Variants in CNTN5 observed in about 807,000 individuals in gnomAD.
The protein encoded by CNTN5 is contactin-5.
Under a neutral mutation model 129.1 loss-of-function variants are expected in CNTN5, and 77 were observed. That is an observed-to-expected ratio of 0.60 (90% CI 0.50 to 0.72). The LOEUF (loss-of-function observed/expected upper bound fraction) is 0.72, where lower values mean the gene tolerates loss of function less well. Among genes scored for constraint, CNTN5 ranks in the 30% least tolerant of loss-of-function variants. The probability of loss-of-function intolerance (pLI) is 0.00; values close to 1 mark genes in which losing one functional copy is unlikely to be tolerated. For synonymous variants in CNTN5, 509 were observed against 465.6 expected (o/e 1.09, Z -1.20); for missense variants, 1,478 against 1,328.8 (o/e 1.11, Z -1.75).
intron 9 of CNTN5, among the ~76,000 whole-genome samples, chr11:100,028,106 G>A (rs1461750359): frequency 6.6e-6 from 1 of 151,994 alleles, no homozygotes; most frequent in Admixed American, 6.6e-5. Flanking sequence ...AGGTAATAGA[G>A]TGATTCTTTG....
intron 7 of CNTN5, among the ~76,000 whole-genome samples, chr11:99,943,412 C>T (rs1950486296): frequency 6.6e-6 from 1 of 151,824 alleles, no homozygotes; most frequent in African/African-American, 2.4e-5. Context: ...TGTTTAAGTT[C>T]CTTGTAGATT....
At chr11:99,712,884 T>C (rs1955053218) in intron 3 of CNTN5, among the ~76,000 whole-genome samples, 1 of 152,102 alleles carries the variant, frequency 6.6e-6, no homozygotes, top group Non-Finnish European at 1.5e-5. Flanking sequence ...TACTGTAGCC[T>C]TGTAGTATAG....
chr11:99,485,105 T>C (rs554762603), intron 2 of CNTN5, among the ~76,000 whole-genome samples: 1 of 152,232 alleles, frequency 6.6e-6, no homozygotes, highest in African/African-American at 2.4e-5. Flanking sequence ...AAATATTTGA[T>C]GGATATGCTA....
chr11:99,624,100 TCTC>T (rs1185008292), intron 3 of CNTN5, among the ~76,000 whole-genome samples: 1 of 152,120 alleles, frequency 6.6e-6, no homozygotes, highest in Non-Finnish European at 1.5e-5. Context: ...TATCAGCATG[TCTC>T]CTCATAGGCT....
chr11:99,626,304 G>A (rs1422362234), intron 3 of CNTN5, among the ~76,000 whole-genome samples: 3 of 151,926 alleles, frequency 2.0e-5, no homozygotes, highest in Admixed American at 6.6e-5. Flanking sequence ...CTCCGACTTG[G>A]TAAAGAGGTT....
intron 3 of CNTN5, among the ~76,000 whole-genome samples, chr11:99,793,514 G>C (rs527778726): frequency 1.3e-5 from 2 of 152,038 alleles, no homozygotes; most frequent in Admixed American, 1.3e-4. Flanking sequence ...AGTTCCTCTA[G>C]TTGATAATTT....
intron 9 of CNTN5, among the ~76,000 whole-genome samples, chr11:100,058,278 G>C (rs1320816862): frequency 6.6e-6 from 1 of 152,048 alleles, no homozygotes; most frequent in African/African-American, 2.4e-5. Flanking sequence ...AACTTTGTGA[G>C]AATCCTATCA....
intron 1 of CNTN5, among the ~76,000 whole-genome samples, chr11:99,236,610 A>G (rs1038986853): frequency 3.3e-5 from 5 of 152,142 alleles, no homozygotes; most frequent in African/African-American, 7.2e-5. Context: ...TCATTGGTAA[A>G]ATGCAGATAG....
At chr11:99,669,201 A>T (rs946970635) in intron 3 of CNTN5, among the ~76,000 whole-genome samples, 1 of 152,128 alleles carries the variant, frequency 6.6e-6, no homozygotes, top group Admixed American at 6.6e-5. Flanking sequence ...AGACATATGG[A>T]GGTTTTTACT....
At chr11:99,148,950 T>C (rs1302866786) in intron 1 of CNTN5, among the ~76,000 whole-genome samples, 2 of 151,990 alleles carry the variant, frequency 1.3e-5, no homozygotes, top group South Asian at 2.1e-4. Context: ...TAAAGAACAG[T>C]AAAATCATTT....
intron 7 of CNTN5, among the ~76,000 whole-genome samples, chr11:99,941,604 A>C (rs1287662439): frequency 6.6e-6 from 1 of 152,098 alleles, no homozygotes; most frequent in East Asian, 1.9e-4. Flanking sequence ...AGAGAGATAG[A>C]TAGAGATTGA....
intron 8 of CNTN5, among the ~76,000 whole-genome samples, chr11:99,993,235 T>C (rs935117798): frequency 6.6e-6 from 1 of 152,186 alleles, no homozygotes; most frequent in Non-Finnish European, 1.5e-5. Context: ...TACTCTGTGA[T>C]TGAAGTTTCT....
intron 3 of CNTN5, among the ~76,000 whole-genome samples, chr11:99,565,414 A>C (rs2135561165): frequency 6.6e-6 from 1 of 152,326 alleles, no homozygotes; most frequent in Admixed American, 6.5e-5. Flanking sequence ...CTTTTCATGT[A>C]TTCTTCTGAG....
chr11:99,819,545 G>A lies in CNTN5; in HGVS notation c.57G>A (p.Glu19=), dbSNP rs768027790. ...LFLSVTMCLS[E]YSKSLPGLST... is the part of the protein sequence containing the mutation. ...TTTATTATATTTTTTCTCTTACAGAGTATTCAAAATCTCTTCCTGGTCTCT... is the reference window on the plus strand; with the variant it reads ...TTTATTATATTTTTTCTCTTACAGAATATTCAAAATCTCTTCCTGGTCTCT... Residue 19 remains glutamate (E), a splice_region_variant and synonymous_variant, in exon 4 of 25, where the codon GAG becomes GAA. Coordinates refer to ENST00000524871, the MANE Select transcript of CNTN5 (RefSeq NM_014361.4). 3.1e-6 allele frequency: 5 copies of A among 1,603,722 alleles called. No homozygotes were observed. Among genetic ancestry groups the A allele is most frequent in the Middle Eastern group, 1.7e-4 (1 of 6,036 alleles).
chr11:99,670,471 A>G (rs1308881033), intron 3 of CNTN5, among the ~76,000 whole-genome samples: 1 of 152,122 alleles, frequency 6.6e-6, no homozygotes, highest in Non-Finnish European at 1.5e-5. Context: ...CACTCACCTA[A>G]TCTGACATTC....
intron 2 of CNTN5, among the ~76,000 whole-genome samples, chr11:99,534,781 T>A (rs1947841054): frequency 6.6e-6 from 1 of 152,192 alleles, no homozygotes; most frequent in African/African-American, 2.4e-5. Context: ...TCCAGTTCTA[T>A]GAGCATGTAG....
chr11:99,592,338 G>A (rs999400176), intron 3 of CNTN5, among the ~76,000 whole-genome samples: 1 of 152,078 alleles, frequency 6.6e-6, no homozygotes, highest in Admixed American at 6.6e-5. Flanking sequence ...TCCGGGGAAG[G>A]AATAGAGATA....
intron 7 of CNTN5, among the ~76,000 whole-genome samples, chr11:99,943,221 C>T (rs1376161317): frequency 6.6e-6 from 1 of 151,996 alleles, no homozygotes; most frequent in Admixed American, 6.6e-5. Context: ...TTTTAATGAT[C>T]GCCATTCTAA....
At chr11:99,227,547 C>T (rs890413574) in intron 1 of CNTN5, among the ~76,000 whole-genome samples, 1 of 151,996 alleles carries the variant, frequency 6.6e-6, no homozygotes, top group Non-Finnish European at 1.5e-5. Context: ...TTTCAACATG[C>T]TGATAAAGGA....
Sources: gnomAD v4.1 joint callset for allele counts (sites outside exome capture counted in the v4.1 genomes callset) on GRCh38, gnomAD v4.1.1 for gene constraint, MANE v1.5 for transcripts, NCBI Gene and HGNC (gene_info 2026-07-23, HGNC 2026-07-21) for gene names.